POLR3B: variants seen among roughly 807,000 people sequenced by gnomAD.
The protein encoded by POLR3B is DNA-directed RNA polymerase III subunit RPC2.
A neutral mutation model predicts 147.4 loss-of-function variants in POLR3B; 96 were observed. The ratio of observed to expected loss-of-function variants is 0.65; its 90% CI spans 0.55 to 0.77. The LOEUF (loss-of-function observed/expected upper bound fraction) is 0.77. Ranked by LOEUF, POLR3B falls within the 30% of genes least tolerant of loss-of-function variation. POLR3B has a pLI of 0.00. For missense variants in POLR3B, 1,036 were observed against 1,413.5 expected (o/e 0.73, Z 4.28); for synonymous variants, 461 against 485.9 (o/e 0.95, Z 0.67).
At chr12:106,384,567 A>G (rs1383058206) in intron 9 of POLR3B, among the ~76,000 whole-genome samples, 3 of 152,182 alleles carry the variant, frequency 2.0e-5, no homozygotes, top group African/African-American at 7.2e-5. Flanking sequence ...TTCTTGTTTC[A>G]GCCCTCATGC....
At chr12:106,410,478 C>A in intron 11 of POLR3B, 1 of 260,300 alleles carries the variant, frequency 3.8e-6, no homozygotes, top group Non-Finnish European at 7.5e-6. Context: ...CTGGAATTGG[C>A]TGGTATCATT....
At chr12:106,502,806 C>G (rs1278337069) in intron 26 of POLR3B, among the ~76,000 whole-genome samples, 4 of 152,302 alleles carry the variant, frequency 2.6e-5, no homozygotes, top group East Asian at 1.9e-4. Context: ...ATGTGTTTCT[C>G]CCCTAAATGC....
At chr12:106,395,789 G>A (rs1343131309) in intron 10 of POLR3B, among the ~76,000 whole-genome samples, 1 of 152,008 alleles carries the variant, frequency 6.6e-6, no homozygotes, top group Admixed American at 6.5e-5. Flanking sequence ...GGCCAACATG[G>A]TGAAACCCCG....
chr12:106,462,047 C>A (rs570076383), intron 22 of POLR3B, among the ~76,000 whole-genome samples: 5 of 152,314 alleles, frequency 3.3e-5, no homozygotes, highest in Admixed American at 1.3e-4. Context: ...AGCCAGTCAC[C>A]AGCACAACCT....
chr12:106,405,570 AC>A (rs1369476421), intron 10 of POLR3B, among the ~76,000 whole-genome samples: 11 of 151,802 alleles, frequency 7.2e-5, no homozygotes, highest in African/African-American at 2.2e-4. Context: ...ACACACACAC[AC>A]ACACACACAA....
chr12:106,366,784 G>A, intron 4 of POLR3B, 62 bp downstream of exon 4: 2 of 1,264,680 alleles, frequency 1.6e-6, no homozygotes, highest in Non-Finnish European at 2.3e-6. Context: ...TAAAGTGAGT[G>A]AAGTTGCTAT....
chr12:106,360,569 C>G (rs1048732176), intron 1 of POLR3B, among the ~76,000 whole-genome samples: 1 of 152,216 alleles, frequency 6.6e-6, no homozygotes, highest in South Asian at 2.1e-4. Context: ...CTTAAACTTT[C>G]CAACTTCAGT....
chr12:106,409,086 T>C (rs2037186839), intron 11 of POLR3B, among the ~76,000 whole-genome samples: 1 of 152,212 alleles, frequency 6.6e-6, no homozygotes, highest in South Asian at 2.1e-4. Context: ...ATGGGCTTTG[T>C]TGAAAATTGA....
chr12:106,362,669 T>C (rs188249069), intron 1 of POLR3B, among the ~76,000 whole-genome samples: 12 of 152,262 alleles, frequency 7.9e-5, no homozygotes, highest in African/African-American at 2.9e-4. Flanking sequence ...GGGCTCACCT[T>C]AATGACTCAT....
At chr12:106,370,018 G>A (rs911493604) in intron 6 of POLR3B, among the ~76,000 whole-genome samples, 3 of 151,870 alleles carry the variant, frequency 2.0e-5, no homozygotes, top group African/African-American at 7.3e-5. Flanking sequence ...GAGTTTTCCT[G>A]GAATTTAACT....
chr12:106,479,085 G>C (rs2038224848), intron 23 of POLR3B, among the ~76,000 whole-genome samples: 2 of 151,600 alleles, frequency 1.3e-5, no homozygotes, highest in Non-Finnish European at 2.9e-5. Flanking sequence ...TTCATTCCTT[G>C]TGCTGGGCAA....
At chr12:106,478,293 C>G (rs1044466680) in intron 23 of POLR3B, among the ~76,000 whole-genome samples, 31 of 152,134 alleles carry the variant, frequency 2.0e-4, no homozygotes, top group African/African-American at 7.0e-4. Flanking sequence ...TCAGGAAGGT[C>G]TTTGTGCTAT....
chr12:106,491,911 A>G (rs971667635), intron 23 of POLR3B, among the ~76,000 whole-genome samples: 6 of 152,216 alleles, frequency 3.9e-5, no homozygotes, highest in Non-Finnish European at 8.8e-5. Context: ...ATGTGATTAC[A>G]CTTAGAAGGT....
chr12:106,501,422 A>G lies in POLR3B; in HGVS notation c.3084A>G (p.Arg1028=). ...DKMHARARGP[R]AVLTRQPTEG... Reference sequence around the variant, plus strand: ...TGCATGCCCGGGCCCGGGGCCCACGAGCCGTCCTTACCAGGTAAGAGAAAA... The same window carrying G: ...TGCATGCCCGGGCCCGGGGCCCACGGGCCGTCCTTACCAGGTAAGAGAAAA... Residue 1028 remains arginine, a synonymous_variant, in exon 26 of 28, where the codon CGA becomes CGG. Transcript: ENST00000228347. The G allele has an allele frequency of 6.2e-7, 1 of 1,603,420 alleles. No individual in the cohort carries two copies. The highest frequency in any genetic ancestry group is 1.1e-5 in the South Asian group (1 of 90,836).
chr12:106,409,339 T>C (rs1013928045), intron 11 of POLR3B, among the ~76,000 whole-genome samples: 6 of 137,162 alleles, frequency 4.4e-5, no homozygotes, highest in African/African-American at 1.7e-4. Flanking sequence ...GTTACGATTG[T>C]AAGAGGGTTT....
rs1427390583 is a variant in POLR3B at position 106,376,449 on chromosome 12, A to G, written c.495A>G (p.Pro165=). ...FAKLNECPLD[P]GGYFIVKGVE... is the part of the protein sequence containing the mutation. ...AACTGAACGAATGTCCCTTAGATCC[A>G]GGTATGTGTGAAGTCTTGGATTTGT... Residue 165 remains proline (P), a splice_region_variant and synonymous_variant, in exon 7 of 28, where the codon CCA becomes CCG. Coordinates refer to ENST00000228347, the MANE Select transcript of POLR3B (RefSeq NM_018082.6). The G allele has an allele frequency of 1.2e-6, 2 of 1,602,850 alleles. No individual in the cohort carries two copies. The highest frequency in any genetic ancestry group is 1.7e-5 in the Admixed American group (1 of 60,026).
chr12:106,378,156 C>T lies in POLR3B; in HGVS notation c.497-111C>T, dbSNP rs993472161. The T allele has an allele frequency of 4.4e-5, 34 of 776,442 alleles. No individual in the cohort carries two copies. The African/African-American group carries it at 4.8e-4, about 11-fold the overall frequency. The allele number at this position is 776,442 out of a possible 1,614,324, so 48.1% of individuals were successfully genotyped here. Reference sequence around the variant, plus strand: ...CTTTGAATCAAGTGTTAGCCAGTGCCATGAAGCAGTAGTAGAAAAGGTAAT... The same window carrying T: ...CTTTGAATCAAGTGTTAGCCAGTGCTATGAAGCAGTAGTAGAAAAGGTAAT... On this transcript the variant is annotated intron_variant, in intron 7 of 27. Transcript: ENST00000228347.
chr12:106,401,647 G>T (rs978524085), intron 10 of POLR3B, among the ~76,000 whole-genome samples: 2 of 152,182 alleles, frequency 1.3e-5, no homozygotes, highest in African/African-American at 4.8e-5. Flanking sequence ...GGGATGCAAG[G>T]CTGGTTCAAC....
chr12:106,482,246 A>G (rs1439811021), intron 23 of POLR3B, among the ~76,000 whole-genome samples: 2 of 152,222 alleles, frequency 1.3e-5, no homozygotes, highest in Non-Finnish European at 2.9e-5. Flanking sequence ...AAAGATACCA[A>G]TAGTTTTTTT....
Sources: allele counts gnomAD v4.1 joint callset (sites outside exome capture counted in the v4.1 genomes callset), GRCh38; gene constraint gnomAD v4.1.1; transcripts MANE v1.5; gene names NCBI Gene and HGNC (gene_info 2026-07-23, HGNC 2026-07-21).